Variants in CAMK1D observed in about 807,000 individuals in gnomAD.
The protein encoded by CAMK1D is calcium/calmodulin-dependent protein kinase type 1D.
In CAMK1D, 9 loss-of-function variants were observed where a neutral mutation model predicts 47.7. The ratio of observed to expected loss-of-function variants is 0.19; its 90% CI spans 0.11 to 0.33. The LOEUF (loss-of-function observed/expected upper bound fraction) is 0.33, where lower values mean the gene tolerates loss of function less well. CAMK1D is among the 10% of genes least tolerant of loss of function. The pLI is 1.00. For missense variants in CAMK1D, 291 were observed against 488.7 expected (o/e 0.60, Z 3.81); for synonymous variants, 184 against 184.9 (o/e 0.99, Z 0.04).
intron 3 of CAMK1D, among the ~76,000 whole-genome samples, chr10:12,720,902 A>C (rs1834343880): frequency 6.6e-6 from 1 of 152,208 alleles, no homozygotes; most frequent in Admixed American, 6.5e-5. Context: ...GAACCACGTG[A>C]GTCATTTTTC....
intron 1 of CAMK1D, among the ~76,000 whole-genome samples, chr10:12,442,364 C>G (rs985894604): frequency 6.6e-5 from 10 of 152,032 alleles, no homozygotes; most frequent in Non-Finnish European, 2.9e-5. Flanking sequence ...GCCTGTAGTC[C>G]CACCTACTCA....
chr10:12,767,319 A>G (rs1836813025), intron 4 of CAMK1D, among the ~76,000 whole-genome samples: 1 of 152,082 alleles, frequency 6.6e-6, no homozygotes, highest in African/African-American at 2.4e-5. Flanking sequence ...CTGGGATTAC[A>G]GGCGCCCGCC....
chr10:12,421,920 G>A (rs563147447), intron 1 of CAMK1D, among the ~76,000 whole-genome samples: 25 of 151,928 alleles, frequency 1.6e-4, no homozygotes, highest in African/African-American at 5.8e-4. Flanking sequence ...GGGTTCAGGC[G>A]ATTATCCCGC....
At chr10:12,443,431 G>A (rs894961636) in intron 1 of CAMK1D, among the ~76,000 whole-genome samples, 1 of 151,930 alleles carries the variant, frequency 6.6e-6, no homozygotes, top group African/African-American at 2.4e-5. Context: ...CGAACCATGT[G>A]TTGTGCTCGT....
rs73583365 is a variant in CAMK1D, at chr10:12,554,638, G to T, written c.224+1282G>T. Among the ~76,000 whole-genome samples the T allele has an allele frequency of 4.8e-3, 733 of 152,062 alleles. 3 individuals are homozygous for T. The highest frequency in any genetic ancestry group is 0.017 in the African/African-American group (697 of 41,470). On this transcript the variant is annotated intron_variant, in intron 2 of 10. Transcript: ENST00000619168. Reference sequence around the variant, plus strand: ...CCGCAGCCTCAACTCTTGAGCTCAAGTGATCTTCCCACCTCTGGCTCCTGA... The same window carrying T: ...CCGCAGCCTCAACTCTTGAGCTCAATTGATCTTCCCACCTCTGGCTCCTGA...
intron 1 of CAMK1D, among the ~76,000 whole-genome samples, chr10:12,478,042 G>C (rs1178669324): frequency 2.2e-5 from 3 of 138,292 alleles, no homozygotes; most frequent in African/African-American, 8.2e-5. Flanking sequence ...GTCTTGCTCT[G>C]TCACCCAGGC....
At chr10:12,632,383 A>C (rs1839405416) in intron 2 of CAMK1D, among the ~76,000 whole-genome samples, 1 of 152,184 alleles carries the variant, frequency 6.6e-6, no homozygotes, top group African/African-American at 2.4e-5. Context: ...GGAGAACAGC[A>C]AGAGGGCCCG....
intron 6 of CAMK1D, among the ~76,000 whole-genome samples, chr10:12,812,103 G>A (rs1417156801): frequency 1.3e-5 from 2 of 152,258 alleles, no homozygotes; most frequent in Admixed American, 6.5e-5. Context: ...GATGGCTGGC[G>A]ATGTGCGTCC....
intron 2 of CAMK1D, among the ~76,000 whole-genome samples, chr10:12,613,699 C>T (rs549812020): frequency 2.6e-5 from 4 of 152,250 alleles, no homozygotes; most frequent in South Asian, 2.1e-4. Flanking sequence ...AGGCTGGTCT[C>T]GCACTCCTGA....
intron 2 of CAMK1D, among the ~76,000 whole-genome samples, chr10:12,560,922 T>TTC (rs913620332): frequency 3.7e-5 from 3 of 80,148 alleles, no homozygotes; most frequent in Admixed American, 1.3e-4. Flanking sequence ...CTTTCTTTCT[T>TTC]TTTTTTTTTG....
chr10:12,528,078 C>G (rs997825503), intron 1 of CAMK1D, among the ~76,000 whole-genome samples: 1 of 152,202 alleles, frequency 6.6e-6, no homozygotes, highest in African/African-American at 2.4e-5. Context: ...CCCATTTAAT[C>G]ATTGCAATAA....
chr10:12,600,267 C>A (rs1021707681), intron 2 of CAMK1D, among the ~76,000 whole-genome samples: 1 of 152,252 alleles, frequency 6.6e-6, no homozygotes, highest in South Asian at 2.1e-4. Flanking sequence ...GGTGGGCCCC[C>A]CTGTTTCTAG....
chr10:12,672,447 C>T (rs963909091), intron 3 of CAMK1D, among the ~76,000 whole-genome samples: 5 of 152,120 alleles, frequency 3.3e-5, no homozygotes, highest in Non-Finnish European at 7.4e-5. Flanking sequence ...CGGCTCACTG[C>T]AACCTCTGCC....
intron 2 of CAMK1D, among the ~76,000 whole-genome samples, chr10:12,648,964 C>T (rs554487820): frequency 5.3e-5 from 8 of 152,236 alleles, no homozygotes; most frequent in African/African-American, 1.9e-4. Flanking sequence ...ACCTCCTGGG[C>T]TCAAGTCATC....
intron 1 of CAMK1D, among the ~76,000 whole-genome samples, chr10:12,434,217 G>A (rs1426053702): frequency 3.3e-5 from 5 of 152,296 alleles, no homozygotes; most frequent in African/African-American, 1.2e-4. Context: ...AAAAAAATAA[G>A]TCTGTTGTTA....
chr10:12,648,190 A>G (rs568350184), intron 2 of CAMK1D, among the ~76,000 whole-genome samples: 1 of 152,322 alleles, frequency 6.6e-6, no homozygotes, highest in East Asian at 1.9e-4. Context: ...CATTGTAACC[A>G]GCTAAGAGTT....
chr10:12,714,915 C>T (rs1477708642), intron 3 of CAMK1D, among the ~76,000 whole-genome samples: 1 of 151,946 alleles, frequency 6.6e-6, no homozygotes, highest in Non-Finnish European at 1.5e-5. Context: ...GTGTAATGAT[C>T]AAGTATCATT....
At chr10:12,495,686 TA>T (rs1364889413) in intron 1 of CAMK1D, among the ~76,000 whole-genome samples, 1 of 152,232 alleles carries the variant, frequency 6.6e-6, no homozygotes, top group Non-Finnish European at 1.5e-5. Flanking sequence ...CAGGTTACAC[TA>T]ATAGAATCAG....
At chr10:12,619,402 T>C (rs1368657895) in intron 2 of CAMK1D, among the ~76,000 whole-genome samples, 1 of 152,044 alleles carries the variant, frequency 6.6e-6, no homozygotes, top group Non-Finnish European at 1.5e-5. Context: ...GTAATTCTTC[T>C]GCCTCAGCCC....
Sources: allele counts gnomAD v4.1 joint callset (sites outside exome capture counted in the v4.1 genomes callset), GRCh38; gene constraint gnomAD v4.1.1; transcripts MANE v1.5; gene names NCBI Gene and HGNC (gene_info 2026-07-23, HGNC 2026-07-21).